Variants in PCDHGB4 observed in about 807,000 individuals in gnomAD.
PCDHGB4 encodes the protein protocadherin gamma subfamily B, 4.
PCDHGB4 carries 38 observed loss-of-function variants against 60.5 expected under a neutral mutation model. That is an observed-to-expected ratio of 0.63 (90% CI 0.48 to 0.82). The LOEUF is 0.82. PCDHGB4 is among the 40% of genes least tolerant of loss of function. PCDHGB4 has a pLI of 0.00. For missense variants in PCDHGB4, 1,109 were observed against 1,209.6 expected, an observed-to-expected ratio of 0.92 and a Z score of 1.23; for synonymous variants, 456 against 509.7, an observed-to-expected ratio of 0.89 and a Z score of 1.42.
Position 141,417,741 on chromosome 5 carries a change from A to G in PCDHGB4, c.2397+27460A>G, listed in dbSNP as rs1035037382. ...CTGCGCAGACCTTGCCCAGCACACCAGATTGCCAGCTCCGAGACCCGGGAC... is the reference window on the plus strand; with the variant it reads ...CTGCGCAGACCTTGCCCAGCACACCGGATTGCCAGCTCCGAGACCCGGGAC... On this transcript the variant is annotated intron_variant, in intron 1 of 3. Coordinates refer to ENST00000519479, the MANE Select transcript of PCDHGB4 (RefSeq NM_003736.4). The G allele has an allele frequency of 1.7e-5, 24 of 1,413,756 alleles. No individual in the cohort carries two copies. The African/African-American group carries it at 1.7e-4, about 10-fold the overall frequency. The allele number at this position is 1,413,756 out of a possible 1,614,324, so 87.6% of individuals were successfully genotyped here.
chr5:141,422,204 G>A lies in PCDHGB4; in HGVS notation c.2397+31923G>A, dbSNP rs185669562. On this transcript the variant is annotated intron_variant, in intron 1 of 3. Transcript: ENST00000519479. Reference sequence around the variant, plus strand: ...ATGGAAATTCAAGGCCAAGATGGTGGAGGTCTCTTTACCACCACGACGATG... The same window carrying A: ...ATGGAAATTCAAGGCCAAGATGGTGAAGGTCTCTTTACCACCACGACGATG... The A allele has an allele frequency of 1.7e-4, 269 of 1,562,138 alleles. No individual in the cohort carries two copies. The African/African-American group carries it at 3.6e-3, about 21-fold the overall frequency.
Position 141,491,590 on chromosome 5 carries a change from G to A in PCDHGB4, c.2398-3217G>A, listed in dbSNP as rs376104513. ...GACGTGCTTTTCACCGGCCTCGGAC[G>A]GCAGTGACTTCACTTTTCTAAGACC... On this transcript the variant is annotated intron_variant, in intron 1 of 3. Transcript: ENST00000519479. The surrounding 1 kb of genome is among the most constrained non-coding windows in gnomAD (Gnocchi z 6.9). 15 of 1,613,828 alleles carry A rather than the reference G, an allele frequency of 9.3e-6. No homozygotes were observed. In the African/African-American group the frequency reaches 2.0e-4, roughly 22 times the overall value.
At chr5:141,420,275 G>T in intron 1 of PCDHGB4, 1 of 1,524,576 alleles carries the variant, frequency 6.6e-7, no homozygotes, top group Non-Finnish European at 8.9e-7. Flanking sequence ...TCTTAAACAG[G>T]TAAGTATTTA....
rs776760884 is a variant in PCDHGB4, at chr5:141,389,294, A to T, written c.1410A>T (p.Ser470=). 1.2e-6 allele frequency: 2 copies of T among 1,613,964 alleles called. No homozygotes were observed. The highest frequency in any genetic ancestry group is 1.7e-6 in the Non-Finnish European group (2 of 1,179,882). Residue 470 remains serine, a synonymous_variant, in exon 1 of 4, where the codon TCA becomes TCT. Transcript: ENST00000519479. ...ACAACCCGCCTGGAGCCTCTATTTC[A>T]CAAGTCAGGGCTTCTGATCCGGACT... is the stretch of plus-strand genomic sequence containing the variant. ...AENNPPGASI[S]QVRASDPDLG...
chr5:141,389,494 C>T lies in PCDHGB4; in HGVS notation c.1610C>T (p.Ser537Leu), dbSNP rs1300548775. 2 of 1,613,058 alleles carry T rather than the reference C, an allele frequency of 1.2e-6. No individual in the cohort carries two copies. The highest frequency in any genetic ancestry group is 2.2e-5 in the East Asian group (1 of 44,880). ...ACACTGCAGGCCCGCGACCAGGGCTCGCCAGCGCTCAGCGCGAACGTGAGC... is the reference window on the plus strand; with the variant it reads ...ACACTGCAGGCCCGCGACCAGGGCTTGCCAGCGCTCAGCGCGAACGTGAGC... ...ELTLQARDQG[S>L]PALSANVSLR... is the part of the protein sequence containing the mutation. The change falls in exon 1 of 4, where the codon TCG (serine) becomes TTG (leucine). Residue 537 changes from serine to leucine, a missense_variant. Physicochemically the swap from Ser to Leu is moderately radical, Grantham distance 145. This residue lies in a region of PCDHGB4 where 1,068 missense variants were observed against 1,089.9 expected (regional missense o/e 0.98). Transcript: ENST00000519479.
At chr5:141,403,188 C>G (rs763950254) in intron 1 of PCDHGB4, 6 of 1,613,968 alleles carry the variant, frequency 3.7e-6, no homozygotes, top group Non-Finnish European at 4.2e-6. Context: ...TCTCTGAACC[C>G]GCGCAGCGGC....
rs775712620 is a variant in PCDHGB4, at chr5:141,491,341, G to T, written c.2398-3466G>T. 1 of 1,613,982 alleles carries T rather than the reference G, an allele frequency of 6.2e-7. No homozygotes were observed. The highest frequency in any genetic ancestry group is 8.5e-7 in the Non-Finnish European group (1 of 1,180,016). ...TTACCTCATTGTGGCTCTAGCGACC[G>T]TCAGTCTCTTATCCCTAGTCACCTT... On this transcript the variant is annotated intron_variant, in intron 1 of 3. Coordinates refer to ENST00000519479, the MANE Select transcript of PCDHGB4 (RefSeq NM_003736.4). The surrounding 1 kb of genome is among the most constrained non-coding windows in gnomAD (Gnocchi z 6.9).
At chr5:141,422,002 G>A (rs754599902) in intron 1 of PCDHGB4, 41 of 1,609,306 alleles carry the variant, frequency 2.5e-5, no homozygotes, top group Non-Finnish European at 3.1e-5. Flanking sequence ...CATCAGCTCC[G>A]GAACTCGGGT....
chr5:141,400,181 A>C, intron 1 of PCDHGB4: 3 of 1,614,034 alleles, frequency 1.9e-6, no homozygotes, highest in Non-Finnish European at 2.5e-6. Context: ...GCTGAGCTGC[A>C]GTTTTACCTA....
intron 1 of PCDHGB4, among the ~76,000 whole-genome samples, chr5:141,448,728 C>T (rs575604763): frequency 6.6e-6 from 1 of 151,986 alleles, no homozygotes; most frequent in Non-Finnish European, 1.5e-5. Context: ...ATCACGAGGT[C>T]AGGAGATCGA....
chr5:141,399,908 C>G (rs141997055), intron 1 of PCDHGB4: 2 of 1,612,300 alleles, frequency 1.2e-6, no homozygotes, highest in African/African-American at 1.3e-5. Context: ...GACGCAGACT[C>G]AGGACACAAC....
rs1356654620 is a variant in PCDHGB4 at position 141,490,430 on chromosome 5, TTAA to T, written c.2398-4376_2398-4374del. On this transcript the variant is annotated intron_variant, in intron 1 of 3. Coordinates refer to ENST00000519479, the MANE Select transcript of PCDHGB4 (RefSeq NM_003736.4). The surrounding 1 kb of genome is among the most constrained non-coding windows in gnomAD (Gnocchi z 5.4). ...ATCTCTCCGGACCTGCCATTTCAGA[TTAA>T]GCCTTCTGAGAACCACTACTCGCTG... 1 of 1,614,162 alleles carries T rather than the reference TTAA, an allele frequency of 6.2e-7. No individual in the cohort carries two copies.
intron 1 of PCDHGB4, chr5:141,412,017 A>C (rs914087284): frequency 1.4e-5 from 2 of 146,532 alleles, no homozygotes; most frequent in African/African-American, 5.3e-5. Context: ...ACTTCTGAAC[A>C]TCCTGTTCTC....
rs77976889 is a variant in PCDHGB4, at chr5:141,493,704, G to C, written c.2398-1103G>C. On this transcript the variant is annotated intron_variant, in intron 1 of 3. Transcript: ENST00000519479. This position sits in a 1 kb window ranked among gnomAD's most constrained non-coding sequence, Gnocchi z 4.3. ...GTGCTGGTGACTCCCGATACACCTG[G>C]AATGCTAGGTTTCTGGGTTCTGCTC... Among the ~76,000 whole-genome samples the C allele has an allele frequency of 1.7e-3, 258 of 152,278 alleles. 2 individuals are homozygous for C. The highest frequency in any genetic ancestry group is 5.7e-3 in the African/African-American group (237 of 41,540).
intron 1 of PCDHGB4, among the ~76,000 whole-genome samples, chr5:141,446,961 GA>G (rs1466390366): frequency 2.0e-5 from 3 of 152,070 alleles, no homozygotes; most frequent in Admixed American, 1.3e-4. Context: ...AGCACCCAGG[GA>G]AATTTGCTGT....
chr5:141,419,522 C>A, intron 1 of PCDHGB4: 4 of 1,612,178 alleles, frequency 2.5e-6, no homozygotes, highest in Non-Finnish European at 3.4e-6. Context: ...GGTGGGCGAC[C>A]GTAACGACAA....
chr5:141,460,556 T>C (rs762545295), intron 1 of PCDHGB4, among the ~76,000 whole-genome samples: 10 of 152,152 alleles, frequency 6.6e-5, no homozygotes, highest in Admixed American at 3.3e-4. Context: ...CAAAAATCAT[T>C]TGGCCATGGA....
rs192741775 is a variant in PCDHGB4, at chr5:141,428,173, C to A, written c.2397+37892C>A. The A allele has an allele frequency of 3.2e-4, 487 of 1,514,722 alleles. 1 individual carries two copies. In the Middle Eastern group the frequency reaches 7.1e-3, roughly 22 times the overall value. The allele number at this position is 1,514,722 out of a possible 1,614,324, so 93.8% of individuals were successfully genotyped here. On this transcript the variant is annotated intron_variant, in intron 1 of 3. Transcript: ENST00000519479. The stretch of plus-strand genomic sequence containing the variant: ...GGAACCTGCTGGTTGCTGTGCGTGA[C>A]GGAGGACAGCCGCCGCTCTCTGCGC...
intron 1 of PCDHGB4, among the ~76,000 whole-genome samples, chr5:141,444,150 GGATT>G (rs2098419499): frequency 1.8e-5 from 2 of 114,014 alleles, no homozygotes; most frequent in Non-Finnish European, 1.7e-5. Flanking sequence ...TGTGTGTACT[GGATT>G]TTTTTTTTTT....
Sources: allele counts gnomAD v4.1 joint callset (sites outside exome capture counted in the v4.1 genomes callset), GRCh38; gene constraint gnomAD v4.1.1; regional missense constraint gnomAD v4.1.1; non-coding constraint Gnocchi (gnomAD v3.1); transcripts MANE v1.5; gene names NCBI Gene and HGNC (gene_info 2026-07-23, HGNC 2026-07-21).